The following TRPC4 variants were observed in gnomAD, a reference collection of about 807,000 sequenced individuals.
TRPC4 encodes short transient receptor potential channel 4.
In TRPC4, 49 loss-of-function variants were observed where a neutral mutation model predicts 99.4. The observed-to-expected ratio is 0.49, with a 90% CI of 0.39 to 0.63. TRPC4 has a LOEUF of 0.63. Among genes scored for constraint, TRPC4 ranks in the 20% least tolerant of loss-of-function variants. The pLI is 0.00. For synonymous variants in TRPC4, 454 were observed against 425.9 expected (o/e 1.07, Z -0.81); for missense variants, 898 against 1,152.9 (o/e 0.78, Z 3.20).
intron 1 of TRPC4, among the ~76,000 whole-genome samples, chr13:37,829,457 A>T (rs974237502): frequency 1.3e-5 from 2 of 152,178 alleles, no homozygotes; most frequent in Non-Finnish European, 2.9e-5. Context: ...ACAAAAACAA[A>T]AAGAAAACAA....
At chr13:37,638,943 A>T in intron 10 of TRPC4, 97 bp downstream of exon 10, 1 of 1,276,622 alleles carries the variant, frequency 7.8e-7, no homozygotes, top group Non-Finnish European at 1.1e-6. Context: ...GCTTGCTGGA[A>T]CACACAGCTG....
chr13:37,659,828 A>C (rs1952367948), intron 6 of TRPC4, among the ~76,000 whole-genome samples: 1 of 152,052 alleles, frequency 6.6e-6, no homozygotes, highest in African/African-American at 2.4e-5. Context: ...GAATAAGATA[A>C]ATGTTTTTGA....
chr13:37,781,684 A>G lies in TRPC4; in HGVS notation c.378+1272T>C, dbSNP rs1956846547. On this transcript the variant is annotated intron_variant, in intron 2 of 10. Transcript: ENST00000379705. ...ATCCACAAACAACCGTTTATGAAAG[A>G]AACAACAAAATGCCAGCAAAGCAAC... is the stretch of plus-strand genomic sequence containing the variant. Among the ~76,000 whole-genome samples the G allele has an allele frequency of 2.0e-5, 3 of 152,244 alleles. No homozygotes were observed. In the South Asian group the frequency reaches 6.2e-4, roughly 32 times the overall value.
intron 8 of TRPC4, among the ~76,000 whole-genome samples, chr13:37,649,752 AAAAAAAAAC>A (rs1951973219): frequency 7.3e-6 from 1 of 137,700 alleles, no homozygotes; most frequent in African/African-American, 2.6e-5. Flanking sequence ...AAAAAAAAAA[AAAAAAAAAC>A]AACAACAAAG....
intron 7 of TRPC4, among the ~76,000 whole-genome samples, chr13:37,652,109 A>G (rs1237196954): frequency 6.6e-6 from 1 of 152,212 alleles, no homozygotes; most frequent in Non-Finnish European, 1.5e-5. Context: ...CCCCTTCATC[A>G]TGTATTACTC....
intron 1 of TRPC4, among the ~76,000 whole-genome samples, chr13:37,866,544 C>T (rs2027248): frequency 0.99 from 150,518 of 151,880 alleles, 74,598 homozygotes; most frequent in Non-Finnish European, 1. Flanking sequence ...GTTTCCCAAA[C>T]AAATGGTGTC....
chr13:37,810,274 T>A (rs1253963836), intron 1 of TRPC4, among the ~76,000 whole-genome samples: 1 of 152,078 alleles, frequency 6.6e-6, no homozygotes, highest in African/African-American at 2.4e-5. Context: ...ATTATTATTA[T>A]TCCCATTACA....
At chr13:37,789,185 T>A (rs1957047686) in intron 1 of TRPC4, among the ~76,000 whole-genome samples, 1 of 152,174 alleles carries the variant, frequency 6.6e-6, no homozygotes, top group South Asian at 2.1e-4. Flanking sequence ...TACTCCATGA[T>A]CTGGCTTCCA....
At chr13:37,809,029 T>C (rs1337417584) in intron 1 of TRPC4, among the ~76,000 whole-genome samples, 1 of 152,124 alleles carries the variant, frequency 6.6e-6, no homozygotes, top group East Asian at 1.9e-4. Flanking sequence ...AATTTGTTTC[T>C]GTTACCAGCA....
chr13:37,666,151 C>A (rs571705931), intron 5 of TRPC4, among the ~76,000 whole-genome samples: 1 of 152,296 alleles, frequency 6.6e-6, no homozygotes, highest in East Asian at 1.9e-4. Context: ...AACCTAGGGA[C>A]CTTTGTCTCC....
intron 1 of TRPC4, among the ~76,000 whole-genome samples, chr13:37,838,479 TA>T (rs1216202857): frequency 2.6e-4 from 39 of 152,312 alleles, no homozygotes; most frequent in South Asian, 8.3e-4. Flanking sequence ...GACCACAGGA[TA>T]TTTTTTTTTC....
intron 3 of TRPC4, among the ~76,000 whole-genome samples, chr13:37,699,795 T>A (rs1593539369): frequency 1.3e-5 from 2 of 152,202 alleles, no homozygotes; most frequent in East Asian, 3.9e-4. Context: ...AGACAATAAC[T>A]AAATTTCATA....
chr13:37,763,717 A>G (rs1032001343), intron 2 of TRPC4, among the ~76,000 whole-genome samples: 8 of 151,946 alleles, frequency 5.3e-5, no homozygotes, highest in South Asian at 2.1e-4. Context: ...ACTTGTCTTC[A>G]GGTGGGAAAC....
chr13:37,818,832 A>C (rs760173217), intron 1 of TRPC4, among the ~76,000 whole-genome samples: 11 of 152,088 alleles, frequency 7.2e-5, no homozygotes, highest in Non-Finnish European at 1.6e-4. Flanking sequence ...AGATAGCATT[A>C]GGAGAAATAC....
intron 1 of TRPC4, among the ~76,000 whole-genome samples, chr13:37,821,715 G>A (rs569291302): frequency 6.6e-6 from 1 of 152,112 alleles, no homozygotes; most frequent in African/African-American, 2.4e-5. Context: ...AATGGGGAAA[G>A]GTCTCTCTAT....
At chr13:37,821,770 T>C (rs1007228525) in intron 1 of TRPC4, among the ~76,000 whole-genome samples, 1 of 152,012 alleles carries the variant, frequency 6.6e-6, no homozygotes, top group African/African-American at 2.4e-5. Flanking sequence ...ACGTGGAAGA[T>C]TGAAACTGGG....
chr13:37,794,352 C>T (rs1371166017), intron 1 of TRPC4, among the ~76,000 whole-genome samples: 1 of 152,090 alleles, frequency 6.6e-6, no homozygotes, highest in Non-Finnish European at 1.5e-5. Flanking sequence ...AGATATTTGA[C>T]TTGTTTTTGA....
At chr13:37,764,770 T>C (rs933437754) in intron 2 of TRPC4, among the ~76,000 whole-genome samples, 4 of 150,956 alleles carry the variant, frequency 2.6e-5, no homozygotes, top group African/African-American at 9.7e-5. Flanking sequence ...TTTGTTTTGT[T>C]TTGTTTTCCC....
chr13:37,868,995 GA>G (rs780177241), intron 1 of TRPC4, among the ~76,000 whole-genome samples: 1 of 152,120 alleles, frequency 6.6e-6, no homozygotes, highest in Non-Finnish European at 1.5e-5. Context: ...GGCTTCATTG[GA>G]ATCTCGGTTG....
Sources: gnomAD v4.1 joint callset for allele counts (sites outside exome capture counted in the v4.1 genomes callset) on GRCh38, gnomAD v4.1.1 for gene constraint, MANE v1.5 for transcripts, NCBI Gene and HGNC (gene_info 2026-07-23, HGNC 2026-07-21) for gene names.